Variants in ZNF248 observed in about 807,000 individuals in gnomAD.
ZNF248 encodes zinc finger protein 248.
ZNF248 carries 20 observed loss-of-function variants against 44.3 expected under a neutral mutation model. That is an observed-to-expected ratio of 0.45 (90% CI 0.32 to 0.66). The LOEUF (loss-of-function observed/expected upper bound fraction) is 0.66. Among genes scored for constraint, ZNF248 ranks in the 30% least tolerant of loss-of-function variants. The pLI is 0.04. For missense variants in ZNF248, 654 were observed against 677.0 expected (o/e 0.97, Z 0.38); for synonymous variants, 224 against 229.0 (o/e 0.98, Z 0.20).
At chr10:37,821,158 C>T (rs2053397868) in intron 6 of ZNF248, among the ~76,000 whole-genome samples, 1 of 152,064 alleles carries the variant, frequency 6.6e-6, no homozygotes, top group Non-Finnish European at 1.5e-5. Flanking sequence ...AAAATAAGTT[C>T]TATAAAAGCA....
At chr10:37,809,976 C>A (rs1047002451) in intron 6 of ZNF248, among the ~76,000 whole-genome samples, 2 of 152,118 alleles carry the variant, frequency 1.3e-5, no homozygotes, top group African/African-American at 4.8e-5. Context: ...TGGAGAATAA[C>A]TAACGTGCAT....
At chr10:37,768,384 C>T in the ZNF248 span, among the ~76,000 whole-genome samples, 1 of 151,518 alleles carries the variant, frequency 6.6e-6, no homozygotes, top group Admixed American at 6.6e-5. Flanking sequence ...AAGCTCTCCT[C>T]AGCAAATGTA....
chr10:37,807,837 C>CA (rs748537239), intron 6 of ZNF248, among the ~76,000 whole-genome samples: 5 of 151,794 alleles, frequency 3.3e-5, no homozygotes, highest in Non-Finnish European at 5.9e-5. Flanking sequence ...CATATAAGAA[C>CA]AAAAAAAATT....
At chr10:37,851,061 C>CT (rs1171055706) in intron 3 of ZNF248, among the ~76,000 whole-genome samples, 2 of 151,956 alleles carry the variant, frequency 1.3e-5, no homozygotes, top group Non-Finnish European at 2.9e-5. Flanking sequence ...GGATTACTAT[C>CT]TAGAAAATTT....
intron 3 of ZNF248, among the ~76,000 whole-genome samples, chr10:37,855,581 G>C (rs2061144678): frequency 6.6e-6 from 1 of 152,170 alleles, no homozygotes; most frequent in South Asian, 2.1e-4. Context: ...TCAAAGTTAG[G>C]AAAGGACAGC....
chr10:37,807,865 A>G lies in ZNF248; in HGVS notation c.330+25160T>C, dbSNP rs150628271. ...AAAAAATTACTTCTGTCCAATCTGT[A>G]TGCCTTTTATTTATTTTTTATTGCC... is the stretch of plus-strand genomic sequence containing the variant. On this transcript the variant is annotated intron_variant, in intron 6 of 6. Coordinates refer to the ZNF248 transcript ENST00000615949. 8.7e-4 allele frequency among the ~76,000 whole-genome samples: 133 copies of G among 152,256 alleles called. 3 individuals are homozygous for G. In the South Asian group the frequency reaches 0.019, roughly 22 times the overall value.
Position 37,831,947 on chromosome 10 carries a change from C to T in ZNF248, c.1408G>A (p.Gly470Arg). The T allele has an allele frequency of 1.2e-6, 2 of 1,614,010 alleles. No homozygotes were observed. The highest frequency in any genetic ancestry group is 1.7e-5 in the Admixed American group (1 of 60,002). Residue 470 changes from glycine to arginine, a missense_variant, in exon 6 of 6, where the codon GGG becomes AGG. Coordinates refer to ENST00000395867, the MANE Select transcript of ZNF248 (RefSeq NM_021045.3). ...GCTGATCTGTGGCAGAAGGATTTCC[C>T]ACATGCATTACATTCATAGGGCTTC... ...GEKPYECNAC[G>R]KSFCHRSALT...
At chr10:37,812,398 C>T (rs2051659302) in intron 6 of ZNF248, among the ~76,000 whole-genome samples, 1 of 152,130 alleles carries the variant, frequency 6.6e-6, no homozygotes, top group African/African-American at 2.4e-5. Flanking sequence ...AAGGGAAAGG[C>T]TAACTCTACT....
chr10:37,790,457 A>G lies in ZNF248; in HGVS notation c.331-13882T>C, dbSNP rs116131838. On this transcript the variant is annotated intron_variant, in intron 6 of 6. Transcript: ENST00000615949. The stretch of plus-strand genomic sequence containing the variant: ...GCCGGGCACAGTGGCTCACGCCTGT[A>G]ATCAAGCACTTTAGGAGGCTGAGAC... 6.0e-3 allele frequency among the ~76,000 whole-genome samples: 919 copies of G among 152,058 alleles called. 10 individuals carry two copies. Among genetic ancestry groups the G allele is most frequent in the African/African-American group, 0.021 (878 of 41,496 alleles).
intron 6 of ZNF248, among the ~76,000 whole-genome samples, chr10:37,821,888 TC>T (rs2069789024): frequency 6.6e-6 from 1 of 152,076 alleles, no homozygotes; most frequent in African/African-American, 2.4e-5. Context: ...CAATTCCAAT[TC>T]CAAAGTGCAC....
chr10:37,854,502 C>A (rs968877064), intron 3 of ZNF248, among the ~76,000 whole-genome samples: 1 of 152,174 alleles, frequency 6.6e-6, no homozygotes, highest in Non-Finnish European at 1.5e-5. Context: ...TGAAGAAAAT[C>A]GCAGATGCAA....
chr10:37,839,359 C>T (rs1208639), intron 3 of ZNF248, among the ~76,000 whole-genome samples: 9,110 of 152,170 alleles, frequency 0.06, 354 homozygotes, highest in Middle Eastern at 0.095. Flanking sequence ...TATGGGTCTA[C>T]AAGAAACAAT....
chr10:37,781,336 GT>G (rs529888563), intron 6 of ZNF248, among the ~76,000 whole-genome samples: 1 of 152,176 alleles, frequency 6.6e-6, no homozygotes, highest in South Asian at 2.1e-4. Context: ...ACCTGACAGG[GT>G]TTTGGACTTG....
At position 37,831,340 on chromosome 10, in the gene ZNF248, G is replaced by A; in HGVS notation, c.*275C>T. ...GTGAATATGGGTATAAATAAATATT[G>A]TCCATTATATTTGCAACAAAATTTT... On this transcript the variant is annotated 3_prime_UTR_variant, in exon 6 of 6. Transcript: ENST00000395867. 1 of 1,547,860 alleles carries A rather than the reference G, an allele frequency of 6.5e-7. No homozygotes were observed. Among genetic ancestry groups the A allele is most frequent in the Non-Finnish European group, 8.7e-7 (1 of 1,145,690 alleles).
rs368150075 is a variant in ZNF248, at chr10:37,777,535, C to CTT, written c.331-962_331-961dup. Among the ~76,000 whole-genome samples the CTT allele has an allele frequency of 1.9e-4, 26 of 138,206 alleles. No homozygotes were observed. The East Asian group carries it at 3.0e-3, about 16-fold the overall frequency. 90.7% of individuals were successfully genotyped at this position (138,206 alleles called of 152,430 possible). A position where few individuals can be genotyped will look rare whatever the true frequency, so the allele number is the denominator to read the frequency against. On this transcript the variant is annotated intron_variant, in intron 6 of 6. Transcript: ENST00000615949. Reference sequence around the variant, plus strand: ...CTGCATTGCAGCCTGGTCTTCGACTCTTTTTTTTTTTTTTTTCAATTAAAG... The same window carrying CTT: ...CTGCATTGCAGCCTGGTCTTCGACTCTTTTTTTTTTTTTTTTTTCAATTAAAG...
At chr10:37,804,646 A>G (rs1401337468) in intron 6 of ZNF248, among the ~76,000 whole-genome samples, 1 of 152,192 alleles carries the variant, frequency 6.6e-6, no homozygotes, top group Non-Finnish European at 1.5e-5. Context: ...CATGTTGGCC[A>G]GGCTGGTCTC....
downstream of ZNF248, among the ~76,000 whole-genome samples, chr10:37,773,012 C>A (rs996336196): frequency 6.6e-6 from 1 of 152,116 alleles, no homozygotes; most frequent in African/African-American, 2.4e-5. Flanking sequence ...TGGGGGAGGC[C>A]GAGGCCTGTG....
chr10:37,818,213 G>C (rs181601801), intron 6 of ZNF248, among the ~76,000 whole-genome samples: 1 of 152,132 alleles, frequency 6.6e-6, no homozygotes, highest in Non-Finnish European at 1.5e-5. Context: ...ACTGTGCCCG[G>C]CCTTCTAGTC....
chr10:37,771,766 A>T (rs1428890156), downstream of ZNF248, among the ~76,000 whole-genome samples: 1 of 152,088 alleles, frequency 6.6e-6, no homozygotes, highest in Non-Finnish European at 1.5e-5. Context: ...CTAAAACTTA[A>T]AGTATAATAA....
Sources: allele counts gnomAD v4.1 joint callset (sites outside exome capture counted in the v4.1 genomes callset), GRCh38; gene constraint gnomAD v4.1.1; transcripts MANE v1.5; gene names NCBI Gene and HGNC (gene_info 2026-07-23, HGNC 2026-07-21).